Variants in DPY19L3 observed in about 807,000 individuals in gnomAD.
DPY19L3 encodes the protein dpy-19 like C-mannosyltransferase 3.
DPY19L3 carries 51 observed loss-of-function variants against 92.3 expected under a neutral mutation model. The ratio of observed to expected loss-of-function variants is 0.55; its 90% confidence interval spans 0.44 to 0.70. The LOEUF is 0.70. DPY19L3 is among the 30% of genes least tolerant of loss of function. The pLI is 0.00. For synonymous variants in DPY19L3, 309 were observed against 315.2 expected, an observed-to-expected ratio of 0.98 and a Z score of 0.21; for missense variants, 706 against 855.9, an observed-to-expected ratio of 0.82 and a Z score of 2.18.
intron 6 of DPY19L3, among the ~76,000 whole-genome samples, chr19:32,438,629 A>G (rs1969224256): frequency 6.6e-6 from 1 of 152,190 alleles, no homozygotes; most frequent in African/African-American, 2.4e-5. Context: ...GGGATGGTGT[A>G]CAAAGATGAA....
intron 3 of DPY19L3, among the ~76,000 whole-genome samples, chr19:32,424,479 AAATT>A (rs1025606642): frequency 3.3e-5 from 5 of 152,110 alleles, no homozygotes; most frequent in African/African-American, 1.2e-4. Context: ...ACAAAAAAAA[AAATT>A]AGCCAGGCTT....
intron 8 of DPY19L3, among the ~76,000 whole-genome samples, chr19:32,445,308 G>C (rs1969454522): frequency 6.6e-6 from 1 of 151,666 alleles, no homozygotes; most frequent in Non-Finnish European, 1.5e-5. Flanking sequence ...AGGCATGGTG[G>C]CAGGCGCTTG....
intron 1 of DPY19L3, chr19:32,406,335 G>C (rs867387477): frequency 1.3e-5 from 2 of 152,534 alleles, no homozygotes; most frequent in Middle Eastern, 3.4e-3. Flanking sequence ...TCGTCCAGGG[G>C]ATGCTCACTA....
intron 3 of DPY19L3, among the ~76,000 whole-genome samples, chr19:32,415,395 A>T (rs1968343994): frequency 6.6e-6 from 1 of 152,142 alleles, no homozygotes; most frequent in Non-Finnish European, 1.5e-5. Flanking sequence ...GAAATTCAAG[A>T]CGCAAGAGAG....
intron 3 of DPY19L3, chr19:32,412,754 AC>A (rs1968233848): frequency 1.3e-5 from 2 of 152,096 alleles, no homozygotes. Context: ...ACATGGTGGA[AC>A]CCTATCTCTA....
In DPY19L3 at chr19:32,439,106, G is replaced by A; in HGVS notation, c.597-6G>A. ...ACTTTGGCCATTTGTGTTTTCTTTT[G>A]TGCAGAATAGATACCACAAGAGTTG... On this transcript the variant is annotated splice_polypyrimidine_tract_variant and splice_region_variant and intron_variant, in intron 6 of 18. Transcript: ENST00000392250. The A allele has an allele frequency of 6.2e-7, 1 of 1,604,740 alleles. No individual in the cohort carries two copies.
intron 4 of DPY19L3, among the ~76,000 whole-genome samples, chr19:32,434,895 C>G (rs1461302566): frequency 6.6e-6 from 1 of 152,052 alleles, no homozygotes; most frequent in East Asian, 1.9e-4. Flanking sequence ...GGCCACTAAT[C>G]CCATCATGAG....
intron 8 of DPY19L3, among the ~76,000 whole-genome samples, chr19:32,440,235 C>T (rs894223731): frequency 6.6e-6 from 1 of 152,110 alleles, no homozygotes; most frequent in African/African-American, 2.4e-5. Flanking sequence ...TGTACTGCCA[C>T]TTTTAAAAAA....
chr19:32,480,750 G>T (rs1261728861), intron 18 of DPY19L3, 193 bp downstream of exon 18: 13 of 757,372 alleles, frequency 1.7e-5, no homozygotes, highest in Admixed American at 3.1e-5. Flanking sequence ...GGCTGGGCAA[G>T]GGAGAGGTGA....
chr19:32,476,106 C>A (rs537094284), intron 16 of DPY19L3, among the ~76,000 whole-genome samples: 1 of 152,246 alleles, frequency 6.6e-6, no homozygotes, highest in South Asian at 2.1e-4. Flanking sequence ...GGATGTCTTG[C>A]TTGTAGACAT....
At position 32,408,356 on chromosome 19, in the gene DPY19L3, G is replaced by A; in HGVS notation, c.103G>A (p.Gly35Ser). ...GAAGTTGGAAAATAAATTGCCATCT[G>A]GTAGGTGATTTAAACTAAAGCAGCA... ...NVKLENKLPS[G>S]CTSRRLWKIL... Residue 35 changes from glycine (G) to serine (S), a missense_variant and splice_region_variant, in exon 2 of 19, where the codon GGT becomes AGT. By Grantham distance (56) the Gly-to-Ser change is moderately conservative. Transcript: ENST00000392250. 2 of 1,610,814 alleles carry A rather than the reference G, an allele frequency of 1.2e-6. No individual in the cohort carries two copies. Among genetic ancestry groups the A allele is most frequent in the East Asian group, 2.2e-5 (1 of 44,870 alleles).
intron 15 of DPY19L3, 28 bp downstream of exon 15, chr19:32,464,812 A>G (rs777384696): frequency 2.1e-6 from 3 of 1,414,752 alleles, no homozygotes; most frequent in Non-Finnish European, 1.9e-6. Flanking sequence ...CATTCTTGTC[A>G]TTCATGTATT....
intron 3 of DPY19L3, among the ~76,000 whole-genome samples, chr19:32,421,869 G>C (rs1227076385): frequency 2.0e-5 from 3 of 152,062 alleles, no homozygotes; most frequent in Non-Finnish European, 4.4e-5. Flanking sequence ...AGCCATATTT[G>C]TTAAGAGATG....
At chr19:32,414,652 A>G (rs969927578) in intron 3 of DPY19L3, among the ~76,000 whole-genome samples, 2 of 152,172 alleles carry the variant, frequency 1.3e-5, no homozygotes, top group Non-Finnish European at 2.9e-5. Flanking sequence ...TGTAGTGCGT[A>G]TATATTAACA....
chr19:32,471,546 AAAG>A (rs1405166686), intron 16 of DPY19L3, among the ~76,000 whole-genome samples: 4 of 152,142 alleles, frequency 2.6e-5, no homozygotes, highest in Admixed American at 2.0e-4. Flanking sequence ...GACGTGTTGA[AAAG>A]AAGCTTATCC....
intron 8 of DPY19L3, among the ~76,000 whole-genome samples, chr19:32,444,137 A>T (rs1331327128): frequency 6.6e-6 from 1 of 152,100 alleles, no homozygotes; most frequent in Non-Finnish European, 1.5e-5. Context: ...GATACACAGA[A>T]ATTGGAATTA....
chr19:32,426,191 TCTG>T (rs1408857195), intron 3 of DPY19L3, among the ~76,000 whole-genome samples: 1 of 152,226 alleles, frequency 6.6e-6, no homozygotes, highest in Non-Finnish European at 1.5e-5. Flanking sequence ...CAGCTTTTCT[TCTG>T]CAGCTTCCTC....
chr19:32,447,687 G>T (rs1475648627), intron 8 of DPY19L3, among the ~76,000 whole-genome samples: 1 of 151,946 alleles, frequency 6.6e-6, no homozygotes. Flanking sequence ...TTGCACCCCA[G>T]CCTGGGCAAT....
intron 11 of DPY19L3, 48 bp from the exon 12 acceptor site, chr19:32,458,303 C>CT: frequency 3.1e-6 from 5 of 1,592,260 alleles, no homozygotes; most frequent in Non-Finnish European, 3.4e-6. Flanking sequence ...AATGTCATTT[C>CT]TTTGTCTTAT....
Sources: allele counts gnomAD v4.1 joint callset (sites outside exome capture counted in the v4.1 genomes callset), GRCh38; gene constraint gnomAD v4.1.1; transcripts MANE v1.5; gene names NCBI Gene and HGNC (gene_info 2026-07-23, HGNC 2026-07-21).